The following CEACAM4 variants were observed in gnomAD, a reference collection of about 807,000 sequenced individuals.
The protein encoded by CEACAM4 is CEA cell adhesion molecule 4.
CEACAM4 carries 30 observed loss-of-function variants against 28.7 expected under a neutral mutation model. The ratio of observed to expected loss-of-function variants is 1.05; its 90% CI spans 0.78 to 1.42. The LOEUF (loss-of-function observed/expected upper bound fraction) is 1.42, where lower values mean the gene tolerates loss of function less well. CEACAM4 is among the 40% of genes most tolerant of loss of function. CEACAM4 has a pLI of 0.00. For missense variants in CEACAM4, 330 were observed against 308.2 expected (o/e 1.07, Z -0.53); for synonymous variants, 143 against 126.5 (o/e 1.13, Z -0.87).
At position 41,627,040 on chromosome 19, in the gene CEACAM4, TC is replaced by T; in HGVS notation, c.-78del. 1 of 1,317,602 alleles carries T rather than the reference TC, an allele frequency of 7.6e-7. No homozygotes were observed. 81.6% of individuals were successfully genotyped at this position (1,317,602 alleles called of 1,614,324 possible). A position where few individuals can be genotyped will look rare whatever the true frequency, so the allele number is the denominator to read the frequency against. On this transcript the variant is annotated 5_prime_UTR_variant, in exon 1 of 7. Coordinates refer to ENST00000221954, the MANE Select transcript of CEACAM4 (RefSeq NM_001817.4). Reference sequence around the variant, plus strand: ...GCTCTTGTCAGAGCTGCTGTGACTGTCGGCTGTCGGGGCTGCTGACCTTCCT... The same window carrying T: ...GCTCTTGTCAGAGCTGCTGTGACTGTGGCTGTCGGGGCTGCTGACCTTCCT...
chr19:41,626,187 G>A (rs1168104930), intron 1 of CEACAM4, among the ~76,000 whole-genome samples: 2 of 150,786 alleles, frequency 1.3e-5, no homozygotes, highest in Non-Finnish European at 2.9e-5. Flanking sequence ...TTTCCCTGGT[G>A]GAATCTTCTT....
At chr19:41,613,742 G>A in the CEACAM4 span, among the ~76,000 whole-genome samples, 3 of 152,106 alleles carry the variant, frequency 2.0e-5, no homozygotes, top group African/African-American at 4.8e-5. Context: ...GCAGTCATAC[G>A]GGCTGTATCC....
At chr19:41,623,163 C>A (rs901286931) in intron 2 of CEACAM4, among the ~76,000 whole-genome samples, 1 of 152,170 alleles carries the variant, frequency 6.6e-6, no homozygotes, top group South Asian at 2.1e-4. Context: ...ATTACAGGCA[C>A]CCACCACCAT....
At position 41,624,180 on chromosome 19, in the gene CEACAM4, G is replaced by A. The variant is rs570660582; in HGVS notation, c.424+1421C>T. Among the ~76,000 whole-genome samples the A allele has an allele frequency of 5.3e-5, 8 of 152,024 alleles. No homozygotes were observed. In the East Asian group the frequency reaches 7.7e-4, roughly 15 times the overall value. On this transcript the variant is annotated intron_variant, in intron 2 of 6. Coordinates refer to ENST00000221954, the MANE Select transcript of CEACAM4 (RefSeq NM_001817.4). ...GAGAACTACAGAGTGTGTGTCTCACGTTGGGCCCAGAACCTCCTAGGATCT... is the reference window on the plus strand; with the variant it reads ...GAGAACTACAGAGTGTGTGTCTCACATTGGGCCCAGAACCTCCTAGGATCT...
Position 41,627,041 on chromosome 19 carries a change from CGGCTGTCGG to C in CEACAM4, c.-87_-79del. 7.6e-7 allele frequency: 1 copy of C among 1,317,304 alleles called. No individual in the cohort carries two copies. Among genetic ancestry groups the C allele is most frequent in the Non-Finnish European group, 1.0e-6 (1 of 960,014 alleles). The allele number at this position is 1,317,304 out of a possible 1,614,324, so 81.6% of individuals were successfully genotyped here. A position where few individuals can be genotyped will look rare whatever the true frequency, so the allele number is the denominator to read the frequency against. On this transcript the variant is annotated 5_prime_UTR_variant, in exon 1 of 7. Transcript: ENST00000221954. Reference sequence around the variant, plus strand: ...CTCTTGTCAGAGCTGCTGTGACTGTCGGCTGTCGGGGCTGCTGACCTTCCTCCTTCTGTG... The same window carrying C: ...CTCTTGTCAGAGCTGCTGTGACTGTCGGCTGCTGACCTTCCTCCTTCTGTG...
downstream of CEACAM4, among the ~76,000 whole-genome samples, chr19:41,618,820 G>A (rs2071070448): frequency 6.6e-6 from 1 of 152,116 alleles, no homozygotes. Flanking sequence ...GGCTGGGCAG[G>A]GCTCATGTGA....
Position 41,625,876 on chromosome 19 carries a change from TC to T in CEACAM4, c.148del (p.Asp50MetfsTer34). ...AATATTGCAGGCCAGTAGAAGAACATCCTTTCCCTCTGCAGCACTGGACGGC... is the reference window on the plus strand; with the variant it reads ...AATATTGCAGGCCAGTAGAAGAACATCTTTCCCTCTGCAGCACTGGACGGC... ...ALPSSAAEGKDVLLLACNISE... is the reference protein window; with the variant it reads ...ALPSSAAEGKXVLLLACNISE... On this transcript the variant is annotated frameshift_variant, in exon 2 of 7. Coordinates refer to ENST00000221954, the MANE Select transcript of CEACAM4 (RefSeq NM_001817.4). LOFTEE classifies it high-confidence loss of function. 6.2e-7 allele frequency: 1 copy of T among 1,613,964 alleles called. No individual in the cohort carries two copies. The highest frequency in any genetic ancestry group is 8.5e-7 in the Non-Finnish European group (1 of 1,179,938).
chr19:41,621,210 G>T (rs782375419), intron 3 of CEACAM4, among the ~76,000 whole-genome samples: 5 of 152,068 alleles, frequency 3.3e-5, no homozygotes, highest in Non-Finnish European at 7.4e-5. Flanking sequence ...TCACGATGGG[G>T]TGCTGACCCT....
At chr19:41,619,863 G>C in intron 5 of CEACAM4, 152 bp from the exon 6 acceptor site, 2 of 707,440 alleles carry the variant, frequency 2.8e-6, no homozygotes, top group South Asian at 2.2e-5. Context: ...CTGCCCCTGA[G>C]CTCAGCCTCC....
intron 5 of CEACAM4, 130 bp downstream of exon 5, chr19:41,620,080 GC>G: frequency 1.2e-6 from 1 of 822,302 alleles, no homozygotes; most frequent in Non-Finnish European, 1.8e-6. Flanking sequence ...CTGGCCGGAG[GC>G]ACTCACTTTG....
chr19:41,619,571 C>T, intron 6 of CEACAM4, 99 bp downstream of exon 6: 1 of 1,553,118 alleles, frequency 6.4e-7, no homozygotes, highest in Non-Finnish European at 8.7e-7. Context: ...CTCATTTTCA[C>T]TGCATTTTCC....
At chr19:41,617,751 A>C (rs782668310), downstream of CEACAM4, among the ~76,000 whole-genome samples, 1 of 152,138 alleles carries the variant, frequency 6.6e-6, no homozygotes, top group Non-Finnish European at 1.5e-5. Context: ...AAAGGAGAGG[A>C]AATGCACTCT....
rs2071609214 is a variant in CEACAM4, at chr19:41,625,821, G to A, written c.204C>T (p.His68=). 6.2e-7 allele frequency: 1 copy of A among 1,613,810 alleles called. No individual in the cohort carries two copies. Among genetic ancestry groups the A allele is most frequent in the Admixed American group, 1.7e-5 (1 of 59,978 alleles). ...GGCTCCCTTCTGCCGTTTTCCCCTT[G>A]TGCCAATAATAGGCTTGAATAGTTT... ...ISETIQAYYW[H]KGKTAEGSPL... is the part of the protein sequence containing the mutation. Residue 68 remains histidine, a synonymous_variant, in exon 2 of 7, where the codon CAC becomes CAT. Coordinates refer to ENST00000221954, the MANE Select transcript of CEACAM4 (RefSeq NM_001817.4).
chr19:41,619,737 A>G, intron 5 of CEACAM4, 26 bp from the exon 6 acceptor site: 1 of 1,541,346 alleles, frequency 6.5e-7, no homozygotes, highest in Admixed American at 2.0e-5. Flanking sequence ...AGGAGATGTC[A>G]GGGGACAGGG....
chr19:41,615,371 G>A (rs2070972580), downstream of CEACAM4, among the ~76,000 whole-genome samples: 1 of 152,046 alleles, frequency 6.6e-6, no homozygotes, highest in African/African-American at 2.4e-5. Flanking sequence ...GGAGGAGAGG[G>A]ATGAGGACAC....
At chr19:41,625,540 A>G in intron 2 of CEACAM4, 61 bp downstream of exon 2, 1 of 1,531,842 alleles carries the variant, frequency 6.5e-7, no homozygotes, top group Non-Finnish European at 8.8e-7. Flanking sequence ...AGGCCTGACA[A>G]TCTCATGTGT....
chr19:41,615,808 G>A (rs1448569088), downstream of CEACAM4, among the ~76,000 whole-genome samples: 2 of 152,170 alleles, frequency 1.3e-5, no homozygotes, highest in East Asian at 3.9e-4. Context: ...AGTGCTGTGT[G>A]TGACTAGCAG....
At chr19:41,617,995 C>CAAACAACCTGTGGCAGTGGCA (rs2071024390), downstream of CEACAM4, among the ~76,000 whole-genome samples, 1 of 152,136 alleles carries the variant, frequency 6.6e-6, no homozygotes, top group Non-Finnish European at 1.5e-5. Context: ...CATCTCAGGA[C>CAAACAACCTGTGGCAGTGGCA]GAACAACCTG....
At chr19:41,623,048 GCT>G (rs2071405457) in intron 2 of CEACAM4, among the ~76,000 whole-genome samples, 1 of 152,120 alleles carries the variant, frequency 6.6e-6, no homozygotes, top group Non-Finnish European at 1.5e-5. Context: ...ATGGAATCTC[GCT>G]CTGTTGCCCA....
Sources: allele counts gnomAD v4.1 joint callset (sites outside exome capture counted in the v4.1 genomes callset), GRCh38; gene constraint gnomAD v4.1.1; transcripts MANE v1.5; gene names NCBI Gene and HGNC (gene_info 2026-07-23, HGNC 2026-07-21).